Variants in MTMR8 observed in about 807,000 individuals in gnomAD.
MTMR8 encodes phosphatidylinositol-3,5-bisphosphate 3-phosphatase MTMR8.
MTMR8 carries 65 observed loss-of-function variants against 39.3 expected under a neutral mutation model. That is an observed-to-expected ratio of 1.65 (90% CI 1.35 to 2.03). The LOEUF (loss-of-function observed/expected upper bound fraction) is 2.03, where lower values mean the gene tolerates loss of function less well. Ranked by LOEUF, MTMR8 falls within the 30% of genes most tolerant of loss-of-function variation. The pLI is 0.00. For synonymous variants in MTMR8, 245 were observed against 185.2 expected (o/e 1.32, Z -2.62); for missense variants, 777 against 538.9 (o/e 1.44, Z -4.37).
chrX:64,288,527 C>G lies in MTMR8; in HGVS notation c.1482-17454G>C, dbSNP rs1468177951. 2.7e-5 allele frequency among the ~76,000 whole-genome samples: 3 copies of G among 111,529 alleles called. No individual in the cohort carries two copies. The East Asian group carries it at 8.5e-4, about 31-fold the overall frequency. ...GCAATCCCATTACTGGGTATATACC[C>G]AAAGGAATATAAATCATGCTGCTAT... On this transcript the variant is annotated intron_variant, in intron 12 of 13. Coordinates refer to ENST00000374852, the MANE Select transcript of MTMR8 (RefSeq NM_017677.4).
intron 1 of MTMR8, among the ~76,000 whole-genome samples, chrX:64,380,456 GC>G (rs2147245349): frequency 8.9e-6 from 1 of 112,462 alleles, no homozygotes; most frequent in Admixed American, 9.4e-5. Flanking sequence ...CTGAGGTGAG[GC>G]ATTTAAATAT....
intron 1 of MTMR8, among the ~76,000 whole-genome samples, chrX:64,381,718 A>G (rs1383659328): frequency 9.0e-6 from 1 of 111,277 alleles, no homozygotes; most frequent in Non-Finnish European, 1.9e-5. Context: ...GTTTTCTTCT[A>G]GGGTTTTTAT....
At chrX:64,324,448 C>T (rs1243448008) in intron 12 of MTMR8, among the ~76,000 whole-genome samples, 4 of 110,932 alleles carry the variant, frequency 3.6e-5, no homozygotes, top group Admixed American at 2.9e-4. Flanking sequence ...CTTTGGGAGG[C>T]CAAGAGGGAG....
At chrX:64,375,581 G>T (rs1211226216) in intron 1 of MTMR8, among the ~76,000 whole-genome samples, 6 of 110,915 alleles carry the variant, frequency 5.4e-5, no homozygotes, top group Non-Finnish European at 9.4e-5. Context: ...GGGTATTTAG[G>T]TGGTGATTAG....
At chrX:64,390,320 T>A (rs929164679) in intron 1 of MTMR8, among the ~76,000 whole-genome samples, 2 of 112,441 alleles carry the variant, frequency 1.8e-5, no homozygotes, top group Non-Finnish European at 3.8e-5. Flanking sequence ...TACAAAGTGT[T>A]ATTAACATAC....
At chrX:64,283,075 C>T (rs750392560) in intron 12 of MTMR8, among the ~76,000 whole-genome samples, 1 of 111,974 alleles carries the variant, frequency 8.9e-6, no homozygotes, top group Non-Finnish European at 1.9e-5. Context: ...CCTTTCATAG[C>T]CAAGCAAAGC....
At chrX:64,369,782 A>T (rs1205449584) in intron 1 of MTMR8, among the ~76,000 whole-genome samples, 1 of 111,565 alleles carries the variant, frequency 9.0e-6, no homozygotes, top group African/African-American at 3.3e-5. Context: ...AAAATTATCC[A>T]GTCTCAGGTA....
At chrX:64,365,485 C>A (rs1171479287) in intron 1 of MTMR8, among the ~76,000 whole-genome samples, 1 of 111,674 alleles carries the variant, frequency 9.0e-6, no homozygotes, top group Non-Finnish European at 1.9e-5. Flanking sequence ...AATTTTCAAC[C>A]CAGAATTTCA....
chrX:64,287,173 A>C (rs1413529586), intron 12 of MTMR8, among the ~76,000 whole-genome samples: 1 of 111,276 alleles, frequency 9.0e-6, no homozygotes, highest in South Asian at 3.8e-4. Context: ...ACCAATAACA[A>C]ACAAACAGAG....
chrX:64,363,714 C>G (rs747353401), intron 1 of MTMR8, among the ~76,000 whole-genome samples: 1 of 111,644 alleles, frequency 9.0e-6, no homozygotes, highest in Non-Finnish European at 1.9e-5. Context: ...ACTGAGGTAC[C>G]TGGTTCATCT....
chrX:64,330,456 T>C (rs1922911115), intron 11 of MTMR8, among the ~76,000 whole-genome samples: 1 of 111,642 alleles, frequency 9.0e-6, no homozygotes, highest in Non-Finnish European at 1.9e-5. Context: ...TGCTATGCTA[T>C]AAAGGGGCCT....
chrX:64,356,336 A>C lies in MTMR8; in HGVS notation c.150T>G (p.Ile50Met), dbSNP rs1348356693. 1 of 1,200,328 alleles carries C rather than the reference A, an allele frequency of 8.3e-7. No homozygotes were observed. Among genetic ancestry groups the C allele is most frequent in the Admixed American group, 2.3e-5 (1 of 43,174 alleles). The change falls in exon 3 of 14, where the codon ATT becomes ATG. Residue 50 changes from isoleucine to methionine, a missense_variant and splice_region_variant. Physicochemically the swap from Ile to Met is conservative, Grantham distance 10. Coordinates refer to ENST00000374852, the MANE Select transcript of MTMR8 (RefSeq NM_017677.4). ...ASGAARKETW[I>M]ALHHIATVEK... is the part of the protein sequence containing the mutation. Reference sequence around the variant, plus strand: ...CCACAGTGGCAATGTGATGGAGTGCAATCTGAAAAACATAAAAGAACCAGC... The same window carrying C: ...CCACAGTGGCAATGTGATGGAGTGCCATCTGAAAAACATAAAAGAACCAGC...
At chrX:64,282,850 T>G (rs1211038987) in intron 12 of MTMR8, among the ~76,000 whole-genome samples, 1 of 110,946 alleles carries the variant, frequency 9.0e-6, no homozygotes, top group Non-Finnish European at 1.9e-5. Context: ...AGGGGAGAGC[T>G]CCAAGATGGC....
intron 12 of MTMR8, chrX:64,305,538 A>C: frequency 2.5e-6 from 1 of 400,373 alleles, no homozygotes; most frequent in Non-Finnish European, 4.7e-6. Flanking sequence ...ATAATTCACA[A>C]CTACTTCTGT....
At chrX:64,387,461 C>T (rs891308016) in intron 1 of MTMR8, among the ~76,000 whole-genome samples, 2 of 110,871 alleles carry the variant, frequency 1.8e-5, no homozygotes, top group Non-Finnish European at 3.8e-5. Context: ...GATATCCAGG[C>T]TGAACTTCCT....
chrX:64,336,069 A>G lies in MTMR8; in HGVS notation c.1151+10T>C, dbSNP rs372721240. On this transcript the variant is annotated intron_variant, in intron 10 of 13. Coordinates refer to ENST00000374852, the MANE Select transcript of MTMR8 (RefSeq NM_017677.4). The stretch of plus-strand genomic sequence containing the variant: ...CTCAGCCCCTTCCTTCAAAATGAGT[A>G]TATTTTTACCTTTGGGAAAACTTGT... 3.4e-6 allele frequency: 4 copies of G among 1,178,628 alleles called. No homozygotes were observed. The African/African-American group carries it at 7.1e-5, about 21-fold the overall frequency.
chrX:64,278,688 G>T (rs1388043066), intron 12 of MTMR8, among the ~76,000 whole-genome samples: 3 of 109,333 alleles, frequency 2.7e-5, no homozygotes, highest in Non-Finnish European at 5.7e-5. Context: ...TCATCAGGCT[G>T]GTCTCGAACT....
At chrX:64,374,730 T>A (rs1453950902) in intron 1 of MTMR8, among the ~76,000 whole-genome samples, 2 of 110,604 alleles carry the variant, frequency 1.8e-5, no homozygotes. Flanking sequence ...GGAAAAGGGG[T>A]CTTTGCAGAT....
At chrX:64,295,684 T>C (rs1921552848) in intron 12 of MTMR8, among the ~76,000 whole-genome samples, 1 of 111,542 alleles carries the variant, frequency 9.0e-6, no homozygotes, top group Admixed American at 9.6e-5. Flanking sequence ...GATATACAAA[T>C]GGACAATAAG....
Sources: allele counts gnomAD v4.1 joint callset (sites outside exome capture counted in the v4.1 genomes callset), GRCh38; gene constraint gnomAD v4.1.1; transcripts MANE v1.5; gene names NCBI Gene and HGNC (gene_info 2026-07-23, HGNC 2026-07-21).